Variants in ARHGAP29 observed in about 807,000 individuals in gnomAD.
ARHGAP29 encodes the protein Rho GTPase activating protein 29.
Under a neutral mutation model 122.6 loss-of-function variants are expected in ARHGAP29, and 43 were observed. The observed-to-expected ratio is 0.35, with a 90% CI of 0.27 to 0.45. ARHGAP29 has a LOEUF of 0.45. ARHGAP29 is among the 20% of genes least tolerant of loss of function. ARHGAP29 has a pLI of 1.00. For synonymous variants in ARHGAP29, 506 were observed against 497.1 expected, an observed-to-expected ratio of 1.02 and a Z score of -0.24; for missense variants, 1,303 against 1,477.2, an observed-to-expected ratio of 0.88 and a Z score of 1.93.
intron 2 of ARHGAP29, among the ~76,000 whole-genome samples, chr1:94,226,407 C>T (rs1426163428): frequency 6.6e-6 from 1 of 151,912 alleles, no homozygotes; most frequent in Non-Finnish European, 1.5e-5. Context: ...TTAATAGACA[C>T]AGAAACAAGC....
intron 12 of ARHGAP29, among the ~76,000 whole-genome samples, chr1:94,197,208 T>C (rs1418031966): frequency 6.6e-6 from 1 of 151,826 alleles, no homozygotes; most frequent in Non-Finnish European, 1.5e-5. Context: ...CACTGAGACA[T>C]TAAAAGGTAA....
the ARHGAP29 span, among the ~76,000 whole-genome samples, chr1:94,288,898 T>C: frequency 6.6e-6 from 1 of 152,162 alleles, no homozygotes; most frequent in Non-Finnish European, 1.5e-5. Flanking sequence ...TTGGTTACTG[T>C]AGCCTTGTAG....
At position 94,220,425 on chromosome 1, in the gene ARHGAP29, G is replaced by A. The variant is rs746171859; in HGVS notation, c.206-33C>T. ...AAGAAAAAAAAATAATTTATTTCCA[G>A]AGCAAAGTTCCACAAATCTAAACTA... On this transcript the variant is annotated intron_variant, in intron 2 of 22. Transcript: ENST00000260526. 53 of 1,523,790 alleles carry A rather than the reference G, an allele frequency of 3.5e-5. 1 individual carries two copies. In the Admixed American group the frequency reaches 1.0e-3, roughly 30 times the overall value. The allele number at this position is 1,523,790 out of a possible 1,614,324, so 94.4% of individuals were successfully genotyped here. A position where few individuals can be genotyped will look rare whatever the true frequency, so the allele number is the denominator to read the frequency against.
upstream of ARHGAP29, among the ~76,000 whole-genome samples, chr1:94,241,734 T>TA (rs1557884348): frequency 7.4e-6 from 1 of 135,254 alleles, no homozygotes; most frequent in Non-Finnish European, 1.6e-5. Context: ...TAATATATAT[T>TA]TATATATATA....
At position 94,232,283 on chromosome 1, in the gene ARHGAP29, G is replaced by A. The variant is rs914506586; in HGVS notation, c.-32-640C>T. 2.1e-4 allele frequency among the ~76,000 whole-genome samples: 32 copies of A among 152,220 alleles called. 3 individuals are homozygous for A. The South Asian group carries it at 3.9e-3, about 19-fold the overall frequency. ...CATGAGATTGTAGGGATTACATGAC[G>A]CGATGATACAGAAGTGTCGAGAACA... On this transcript the variant is annotated intron_variant, in intron 1 of 22. Coordinates refer to ENST00000260526, the MANE Select transcript of ARHGAP29 (RefSeq NM_004815.4).
At position 94,188,887 on chromosome 1, in the gene ARHGAP29, G is replaced by A. The variant is rs1381909468; in HGVS notation, c.1631C>T (p.Thr544Ile). The A allele has an allele frequency of 6.2e-7, 1 of 1,613,138 alleles. No individual in the cohort carries two copies. The highest frequency in any genetic ancestry group is 8.5e-7 in the Non-Finnish European group (1 of 1,179,342). Reference sequence around the variant, plus strand: ...AGATCTAGATTCGCTGCTCCCTCCAGTGCTCTCAGAATCACTAAACATCCC... The same window carrying A: ...AGATCTAGATTCGCTGCTCCCTCCAATGCTCTCAGAATCACTAAACATCCC... Reference protein sequence around the residue: ...TFGMFSDSESTGGSSESRSLD... With the variant: ...TFGMFSDSESIGGSSESRSLD... The change falls in exon 15 of 23, where the codon ACT (threonine) becomes ATT (isoleucine). Residue 544 changes from threonine (T) to isoleucine (I), a missense_variant. Coordinates refer to ENST00000260526, the MANE Select transcript of ARHGAP29 (RefSeq NM_004815.4).
rs777315314 is a variant in ARHGAP29 at position 94,231,497 on chromosome 1, T to C, written c.115A>G (p.Ile39Val). The C allele has an allele frequency of 1.1e-5, 18 of 1,613,780 alleles. No homozygotes were observed. The highest frequency in any genetic ancestry group is 8.9e-5 in the East Asian group (4 of 44,848). The change falls in exon 2 of 23, where the codon ATT (isoleucine) becomes GTT (valine). Residue 39 changes from isoleucine to valine, a missense_variant. Physicochemically the swap from Ile to Val is conservative, Grantham distance 29 (BLOSUM62 3). Transcript: ENST00000260526. Reference sequence around the variant, plus strand: ...TCCTTGATGTAATCCGGATCAAAAATAGAGTTGGAACTTAAGGACTTGAGC... The same window carrying C: ...TCCTTGATGTAATCCGGATCAAAAACAGAGTTGGAACTTAAGGACTTGAGC... ...MGLKSLSSNS[I>V]FDPDYIKELV... is the part of the protein sequence containing the mutation.
At position 94,268,797 on chromosome 1, in the gene ARHGAP29, A is replaced by G. The variant is rs779107593; in HGVS notation, c.-33+6215T>C. ...AACTTCTGGGCTCAAGAAGATATATATATATATATGTGCATATGATATATG... is the reference window on the plus strand; with the variant it reads ...AACTTCTGGGCTCAAGAAGATATATGTATATATATGTGCATATGATATATG... On this transcript the variant is annotated intron_variant and NMD_transcript_variant, in intron 1 of 25. Coordinates refer to the ARHGAP29 transcript ENST00000552844. Among the ~76,000 whole-genome samples, 31 of 151,864 alleles carry G rather than the reference A, an allele frequency of 2.0e-4. 1 individual carries two copies. Among genetic ancestry groups the G allele is most frequent in the Non-Finnish European group, 4.4e-4 (30 of 68,010 alleles).
chr1:94,302,507 C>T, the ARHGAP29 span: 9 of 344,624 alleles, frequency 2.6e-5, no homozygotes, highest in Non-Finnish European at 5.1e-5. Flanking sequence ...CCAAGGTCAT[C>T]CATAATAACT....
chr1:94,179,060 C>T (rs1255890932), intron 20 of ARHGAP29, among the ~76,000 whole-genome samples: 1 of 152,170 alleles, frequency 6.6e-6, no homozygotes, highest in Non-Finnish European at 1.5e-5. Context: ...AACAATGATG[C>T]TGTACTCTAT....
At chr1:94,241,638 A>G, upstream of ARHGAP29, among the ~76,000 whole-genome samples, 1 of 127,752 alleles carries the variant, frequency 7.8e-6, no homozygotes, top group African/African-American at 2.7e-5. Context: ...AATTTTATAT[A>G]TAATTATATA....
chr1:94,255,071 C>A (rs150903937), intron 1 of ARHGAP29, among the ~76,000 whole-genome samples: 1 of 152,272 alleles, frequency 6.6e-6, no homozygotes, highest in East Asian at 1.9e-4. Context: ...GCCACCCCCA[C>A]GCCACCAAAT....
the ARHGAP29 span, chr1:94,302,718 C>T: frequency 2.5e-6 from 1 of 392,582 alleles, no homozygotes; most frequent in South Asian, 1.9e-5. Context: ...TGTGGCCTTC[C>T]ATGTACCCAC....
chr1:94,260,257 T>A (rs1654509329), intron 1 of ARHGAP29, among the ~76,000 whole-genome samples: 1 of 152,214 alleles, frequency 6.6e-6, no homozygotes, highest in African/African-American at 2.4e-5. Context: ...GTTTCCCTTT[T>A]GAGACTACGA....
intron 16 of ARHGAP29, 85 bp downstream of exon 16, chr1:94,186,414 T>C: frequency 1.0e-6 from 1 of 976,828 alleles, no homozygotes; most frequent in South Asian, 1.8e-5. Flanking sequence ...GTATTGATTC[T>C]TTAAAATTAT....
the ARHGAP29 span, among the ~76,000 whole-genome samples, chr1:94,312,929 G>T: frequency 2.0e-5 from 3 of 152,134 alleles, no homozygotes; most frequent in Admixed American, 2.0e-4. Context: ...ATCTCATTTG[G>T]TCTGTGGCTT....
intron 20 of ARHGAP29, among the ~76,000 whole-genome samples, 190 bp downstream of exon 20, chr1:94,179,533 CAG>C (rs1185062361): frequency 1.5e-5 from 2 of 131,426 alleles, no homozygotes; most frequent in Non-Finnish European, 3.1e-5. Context: ...GGCGAGGCTG[CAG>C]AGAGCCGAGA....
the ARHGAP29 span, among the ~76,000 whole-genome samples, chr1:94,305,431 A>C: frequency 2.6e-5 from 4 of 152,230 alleles, no homozygotes; most frequent in Admixed American, 2.6e-4. Flanking sequence ...GCAAAGCACC[A>C]ATGAGAGAAT....
At chr1:94,269,092 C>G (rs1654893896) in intron 1 of ARHGAP29, among the ~76,000 whole-genome samples, 1 of 152,120 alleles carries the variant, frequency 6.6e-6, no homozygotes, top group African/African-American at 2.4e-5. Flanking sequence ...AAAGAAATAG[C>G]TATTTCATCA....
Sources: allele counts gnomAD v4.1 joint callset (sites outside exome capture counted in the v4.1 genomes callset), GRCh38; gene constraint gnomAD v4.1.1; transcripts MANE v1.5; gene names NCBI Gene and HGNC (gene_info 2026-07-23, HGNC 2026-07-21).